Variants in ACTR3C observed in about 807,000 individuals in gnomAD.
ACTR3C encodes the protein actin related protein 3C.
ACTR3C carries 18 observed loss-of-function variants against 26.3 expected under a neutral mutation model. That is an observed-to-expected ratio of 0.68 (90% confidence interval 0.47 to 1.01). ACTR3C has a LOEUF of 1.01. Ranked by LOEUF, ACTR3C falls within the 50% of genes least tolerant of loss-of-function variation. ACTR3C has a pLI of 0.00. For synonymous variants in ACTR3C, 55 were observed against 94.5 expected, an observed-to-expected ratio of 0.58 and a Z score of 2.42; for missense variants, 184 against 250.7, an observed-to-expected ratio of 0.73 and a Z score of 1.80.
downstream of ACTR3C, chr7:150,246,392 GGTGCAGTGCAT>G: frequency 6.6e-6 from 1 of 152,220 alleles, no homozygotes; most frequent in East Asian, 1.9e-4. Flanking sequence ...ACCCTGATGG[GGTGCAGTGCAT>G]CATTAATAGA....
At chr7:149,984,273 A>C in the ACTR3C span, among the ~76,000 whole-genome samples, 1 of 151,086 alleles carries the variant, frequency 6.6e-6, no homozygotes, top group Admixed American at 6.6e-5. Flanking sequence ...GCATAATCTC[A>C]GCTCACTGCA....
At chr7:150,039,773 A>G in the ACTR3C span, among the ~76,000 whole-genome samples, 9 of 130,490 alleles carry the variant, frequency 6.9e-5, no homozygotes, top group East Asian at 1.8e-3. Context: ...GGGTCCCCAG[A>G]GCCAGGGGGG....
the ACTR3C span, among the ~76,000 whole-genome samples, chr7:150,139,348 A>T: frequency 6.6e-6 from 1 of 152,254 alleles, no homozygotes; most frequent in Non-Finnish European, 1.5e-5. Flanking sequence ...CCTGGTAAAA[A>T]AAAATAAAAT....
the ACTR3C span, among the ~76,000 whole-genome samples, chr7:149,967,882 G>T: frequency 0.013 from 1,970 of 152,204 alleles, 51 homozygotes; most frequent in African/African-American, 0.045. Context: ...TTTCTTCTTG[G>T]GGGTGTGTCG....
rs1834695854 is a variant in ACTR3C at position 150,274,443 on chromosome 7, A to G, written c.564+10310T>C. Among the ~76,000 whole-genome samples the G allele has an allele frequency of 6.6e-6, 1 of 152,250 alleles. No homozygotes were observed. The highest frequency in any genetic ancestry group is 1.5e-5 in the Non-Finnish European group (1 of 68,036). ...ATAATATAGTGCAAACATAGCCTTC[A>G]TGTGCACCAGGAAACCAAAAAATGT... On this transcript the variant is annotated intron_variant, in intron 6 of 7. Transcript: ENST00000683684. This position sits in a 1 kb window ranked among gnomAD's most constrained non-coding sequence, Gnocchi z 4.1.
chr7:150,235,658 G>T, the ACTR3C span, among the ~76,000 whole-genome samples: 1 of 152,118 alleles, frequency 6.6e-6, no homozygotes, highest in Non-Finnish European at 1.5e-5. Flanking sequence ...CACGTCGTTG[G>T]GTTCATTCGG....
At chr7:150,000,100 A>G in the ACTR3C span, among the ~76,000 whole-genome samples, 1 of 151,550 alleles carries the variant, frequency 6.6e-6, no homozygotes, top group African/African-American at 2.4e-5. Context: ...TTTGGTCTCT[A>G]TATGTAGTTT....
chr7:150,136,758 C>T, the ACTR3C span, among the ~76,000 whole-genome samples: 1 of 152,152 alleles, frequency 6.6e-6, no homozygotes, highest in Admixed American at 6.5e-5. Flanking sequence ...CGACCTGATG[C>T]TGTGTCCTCA....
At chr7:149,892,271 T>C in the ACTR3C span, 9 of 1,518,474 alleles carry the variant, frequency 5.9e-6, no homozygotes, top group African/African-American at 9.7e-5. Context: ...GTCGGAAATT[T>C]ACCTTTGTAG....
the ACTR3C span, among the ~76,000 whole-genome samples, chr7:150,018,593 A>C: frequency 6.7e-6 from 1 of 149,970 alleles, no homozygotes; most frequent in African/African-American, 2.5e-5. Context: ...TATGGCAACC[A>C]CTCATTATTT....
chr7:150,104,340 C>G, the ACTR3C span, among the ~76,000 whole-genome samples: 1 of 151,968 alleles, frequency 6.6e-6, no homozygotes, highest in South Asian at 2.1e-4. Context: ...ACAGGAGGAA[C>G]TGGTTGCCTA....
At chr7:150,198,845 A>G in the ACTR3C span, among the ~76,000 whole-genome samples, 2 of 139,702 alleles carry the variant, frequency 1.4e-5, no homozygotes, top group African/African-American at 5.7e-5. Context: ...CCCGTCTGGG[A>G]GGTGAGGGGC....
At chr7:150,034,784 A>T in the ACTR3C span, among the ~76,000 whole-genome samples, 6 of 150,762 alleles carry the variant, frequency 4.0e-5, 1 homozygote, top group South Asian at 4.2e-4. Context: ...CAGGGGGGGA[A>T]GAGGGTCTGG....
At chr7:149,935,760 C>T in the ACTR3C span, among the ~76,000 whole-genome samples, 1 of 151,300 alleles carries the variant, frequency 6.6e-6, no homozygotes, top group Non-Finnish European at 1.5e-5. Context: ...AACAAGGATA[C>T]AGCTTTATCT....
At chr7:150,070,804 T>C in the ACTR3C span, among the ~76,000 whole-genome samples, 6 of 150,040 alleles carry the variant, frequency 4.0e-5, no homozygotes, top group South Asian at 8.3e-4. Flanking sequence ...CTTTTCTTTT[T>C]TTTTTTTTGA....
At chr7:150,295,401 A>C in intron 1 of ACTR3C, 54 bp from the exon 2 acceptor site, 2 of 1,555,662 alleles carry the variant, frequency 1.3e-6, no homozygotes, top group Non-Finnish European at 8.9e-7. Flanking sequence ...ATGTAAATAC[A>C]TCAGAACCAT....
chr7:149,913,973 C>T, the ACTR3C span, among the ~76,000 whole-genome samples: 7 of 150,388 alleles, frequency 4.7e-5, no homozygotes, highest in African/African-American at 1.5e-4. Flanking sequence ...GCAGCCTCAA[C>T]CTCCTGGGCT....
the ACTR3C span, among the ~76,000 whole-genome samples, chr7:150,233,931 G>A: frequency 6.6e-6 from 1 of 152,036 alleles, no homozygotes; most frequent in African/African-American, 2.4e-5. Context: ...AGTAATCAGT[G>A]AGGCAAACAG....
At chr7:150,291,983 GC>G (rs1836306280) in intron 3 of ACTR3C, among the ~76,000 whole-genome samples, 2 of 151,076 alleles carry the variant, frequency 1.3e-5, no homozygotes, top group South Asian at 2.1e-4. Context: ...CTGACTGTAG[GC>G]CCATCGACCA....
Sources: allele counts gnomAD v4.1 joint callset (sites outside exome capture counted in the v4.1 genomes callset), GRCh38; gene constraint gnomAD v4.1.1; non-coding constraint Gnocchi (gnomAD v3.1); transcripts MANE v1.5; gene names NCBI Gene and HGNC (gene_info 2026-07-23, HGNC 2026-07-21).